The following CHD2 variants were observed in gnomAD, a reference collection of about 807,000 sequenced individuals.
CHD2 encodes ATP-dependent chromatin remodeler CHD2.
Under a neutral mutation model 243.9 loss-of-function variants are expected in CHD2, and 28 were observed. The ratio of observed to expected loss-of-function variants is 0.11; its 90% CI spans 0.09 to 0.16. The LOEUF (loss-of-function observed/expected upper bound fraction) is 0.16. Among genes scored for constraint, CHD2 ranks in the 10% least tolerant of loss-of-function variants. The pLI is 1.00. For missense variants in CHD2, 1,386 were observed against 2,209.8 expected, an observed-to-expected ratio of 0.63 and a Z score of 7.47; for synonymous variants, 775 against 779.0, an observed-to-expected ratio of 0.99 and a Z score of 0.09.
At chr15:93,019,980 C>G (rs745329225) in intron 37 of CHD2, 32 bp from the exon 38 acceptor site, 1 of 1,576,122 alleles carries the variant, frequency 6.3e-7, no homozygotes, top group South Asian at 1.2e-5. Flanking sequence ...CCATTTCTTG[C>G]AGTCATCAGA....
chr15:92,925,952 T>G (rs2053052400), intron 3 of CHD2, among the ~76,000 whole-genome samples: 1 of 152,214 alleles, frequency 6.6e-6, no homozygotes, highest in Non-Finnish European at 1.5e-5. Context: ...GATAATGTCC[T>G]TTCTTAGTGA....
chr15:92,948,559 C>T (rs925004720), intron 12 of CHD2, among the ~76,000 whole-genome samples: 21 of 152,084 alleles, frequency 1.4e-4, no homozygotes, highest in East Asian at 3.9e-4. Flanking sequence ...TTTGGCCAGG[C>T]GCGGTGGCTC....
chr15:92,991,798 C>G (rs546991525), intron 27 of CHD2: 1 of 280,476 alleles, frequency 3.6e-6, no homozygotes, highest in Admixed American at 5.2e-5. Flanking sequence ...AAATAATTTC[C>G]AGAGAGATGT....
intron 13 of CHD2, 110 bp from the exon 14 acceptor site, chr15:92,953,246 CA>C: frequency 2.6e-6 from 2 of 774,030 alleles, no homozygotes; most frequent in Non-Finnish European, 4.3e-6. Context: ...TTATGAATGA[CA>C]CCTTGCTTGG....
chr15:93,020,544 T>G, intron 38 of CHD2: 1 of 584,164 alleles, frequency 1.7e-6, no homozygotes, highest in East Asian at 2.8e-5. Context: ...CCAAAATTAT[T>G]AAGCTCTGTG....
intron 16 of CHD2, among the ~76,000 whole-genome samples, chr15:92,957,254 T>C (rs904128769): frequency 1.3e-5 from 2 of 152,270 alleles, no homozygotes; most frequent in African/African-American, 4.8e-5. Context: ...TTACTCATTA[T>C]GCTTCAGCCA....
chr15:92,913,727 C>CT (rs1375648237), intron 2 of CHD2, among the ~76,000 whole-genome samples: 1 of 152,152 alleles, frequency 6.6e-6, no homozygotes, highest in Non-Finnish European at 1.5e-5. Context: ...CAGTATGCAC[C>CT]TATAGTCCCA....
chr15:92,922,689 G>C (rs1173178530), intron 2 of CHD2, among the ~76,000 whole-genome samples: 1 of 152,120 alleles, frequency 6.6e-6, no homozygotes, highest in Non-Finnish European at 1.5e-5. Context: ...GTAGGTTCTG[G>C]GTTTTTCCTT....
chr15:92,903,533 C>T (rs2052560104), intron 2 of CHD2, among the ~76,000 whole-genome samples: 1 of 152,122 alleles, frequency 6.6e-6, no homozygotes, highest in Non-Finnish European at 1.5e-5. Context: ...ATGCTAAAGT[C>T]TGTTATACTT....
chr15:92,902,379 T>C (rs1469222223), intron 2 of CHD2: 3 of 386,422 alleles, frequency 7.8e-6, no homozygotes, highest in Non-Finnish European at 1.4e-5. Flanking sequence ...TTTCATATTA[T>C]AAATTTTAAA....
chr15:92,923,860 G>A (rs189849949), intron 2 of CHD2, among the ~76,000 whole-genome samples: 161 of 152,190 alleles, frequency 1.1e-3, no homozygotes, highest in African/African-American at 3.7e-3. Flanking sequence ...CACCGCGCCC[G>A]GCCTGCTTGG....
intron 2 of CHD2, among the ~76,000 whole-genome samples, chr15:92,906,651 T>G (rs1256813763): frequency 6.8e-6 from 1 of 146,166 alleles, no homozygotes; most frequent in Non-Finnish European, 1.5e-5. Flanking sequence ...AATTTTTTCT[T>G]GCTATGAGCC....
chr15:92,947,157 TTCTA>T (rs1364250353), intron 12 of CHD2: 1 of 152,202 alleles, frequency 6.6e-6, no homozygotes, highest in Non-Finnish European at 1.5e-5. Flanking sequence ...GGCACTAGAA[TTCTA>T]TCTGTGAAAA....
intron 13 of CHD2, among the ~76,000 whole-genome samples, chr15:92,949,964 C>T (rs980772162): frequency 2.0e-5 from 3 of 152,300 alleles, no homozygotes; most frequent in South Asian, 2.1e-4. Context: ...AGACTGATTC[C>T]GATTGGCTAA....
rs757608861 is a variant in CHD2, at chr15:93,002,223, A to G, written c.4184A>G (p.Lys1395Arg). The G allele has an allele frequency of 6.2e-7, 1 of 1,601,632 alleles. No individual in the cohort carries two copies. The highest frequency in any genetic ancestry group is 2.2e-5 in the East Asian group (1 of 44,756). ...CCAATGAAAAAAAAACAGAAGAAGA[A>G]AGAGAACAAGGAGAACAAGGAGAAA... is the stretch of plus-strand genomic sequence containing the variant. ...KSPMKKKQKKKENKENKEKQM... is the reference protein window; with the variant it reads ...KSPMKKKQKKRENKENKEKQM... The change falls in exon 33 of 39, where the codon AAA becomes AGA. Residue 1395 changes from lysine to arginine, a missense_variant. Lys to Arg is a conservative substitution (Grantham distance 26). This residue lies in a region of CHD2 where 125 missense variants were observed against 128.9 expected (regional missense o/e 0.97). Coordinates refer to ENST00000394196, the MANE Select transcript of CHD2 (RefSeq NM_001271.4).
At chr15:92,918,864 T>C (rs1472927536) in intron 2 of CHD2, among the ~76,000 whole-genome samples, 1 of 151,778 alleles carries the variant, frequency 6.6e-6, no homozygotes, top group Non-Finnish European at 1.5e-5. Flanking sequence ...TACATATATA[T>C]ATATATTTTT....
Position 92,906,466 on chromosome 15 carries a change from C to A in CHD2, c.62+5167C>A, listed in dbSNP as rs574804174. ...TTATTTGAATTTTAACTAAAACTCACAGATTTTATCATTAGTTTACTCTCC... is the reference window on the plus strand; with the variant it reads ...TTATTTGAATTTTAACTAAAACTCAAAGATTTTATCATTAGTTTACTCTCC... On this transcript the variant is annotated intron_variant, in intron 2 of 38. Coordinates refer to ENST00000394196, the MANE Select transcript of CHD2 (RefSeq NM_001271.4). Among the ~76,000 whole-genome samples, 46 of 152,232 alleles carry A rather than the reference C, an allele frequency of 3.0e-4. No individual in the cohort carries two copies. The South Asian group carries it at 8.1e-3, about 27-fold the overall frequency.
At chr15:92,966,667 T>A (rs1337955743) in intron 16 of CHD2, among the ~76,000 whole-genome samples, 1 of 152,054 alleles carries the variant, frequency 6.6e-6, no homozygotes, top group African/African-American at 2.4e-5. Context: ...TTCCAGCACT[T>A]TGGGAGGCCG....
chr15:92,925,589 T>C (rs2053044273), intron 3 of CHD2, among the ~76,000 whole-genome samples: 1 of 152,202 alleles, frequency 6.6e-6, no homozygotes, highest in Non-Finnish European at 1.5e-5. Context: ...GTAAAAACTT[T>C]CATAGCTCTA....
Sources: gnomAD v4.1 joint callset for allele counts (sites outside exome capture counted in the v4.1 genomes callset) on GRCh38, gnomAD v4.1.1 for gene constraint, gnomAD v4.1.1 regional missense constraint, MANE v1.5 for transcripts, NCBI Gene and HGNC (gene_info 2026-07-23, HGNC 2026-07-21) for gene names.